The following EPHB2 variants were observed in gnomAD, a reference collection of about 807,000 sequenced individuals.
EPHB2 encodes ephrin type-B receptor 2.
EPHB2 carries 18 observed loss-of-function variants against 96.4 expected under a neutral mutation model. The ratio of observed to expected loss-of-function variants is 0.19; its 90% CI spans 0.13 to 0.28. The LOEUF is 0.28. Among genes scored for constraint, EPHB2 ranks in the 10% least tolerant of loss-of-function variants. The probability of loss-of-function intolerance (pLI) is 1.00; values close to 1 mark genes in which losing one functional copy is unlikely to be tolerated. For missense variants in EPHB2, 989 were observed against 1,355.4 expected (o/e 0.73, Z 4.25); for synonymous variants, 506 against 534.1 (o/e 0.95, Z 0.72).
intron 1 of EPHB2, among the ~76,000 whole-genome samples, chr1:22,748,170 T>C (rs1224061834): frequency 2.0e-5 from 3 of 152,238 alleles, no homozygotes; most frequent in African/African-American, 7.2e-5. Flanking sequence ...GAACATTCAA[T>C]GTGTTTCCAC....
intron 9 of EPHB2, among the ~76,000 whole-genome samples, chr1:22,900,824 C>G (rs1026758195): frequency 6.6e-6 from 1 of 152,178 alleles, no homozygotes; most frequent in Admixed American, 6.5e-5. Context: ...ATCCCATATC[C>G]ACCCAGCCAC....
intron 3 of EPHB2, among the ~76,000 whole-genome samples, chr1:22,849,535 C>G (rs1395191960): frequency 6.6e-6 from 1 of 152,174 alleles, no homozygotes; most frequent in Non-Finnish European, 1.5e-5. Context: ...CAGACTTTGG[C>G]AACAAATTCT....
intron 1 of EPHB2, among the ~76,000 whole-genome samples, chr1:22,780,247 G>T (rs1183664478): frequency 1.3e-5 from 2 of 152,186 alleles, no homozygotes; most frequent in East Asian, 3.9e-4. Flanking sequence ...GAGAATGGGG[G>T]TCTCTAGGGC....
intron 3 of EPHB2, among the ~76,000 whole-genome samples, chr1:22,793,488 GA>G (rs892423173): frequency 1.3e-5 from 2 of 151,978 alleles, no homozygotes; most frequent in Admixed American, 6.5e-5. Context: ...ATTAGTCCAG[GA>G]AAAAAATGGT....
At chr1:22,910,613 G>A in intron 14 of EPHB2, 38 bp downstream of exon 14, 1 of 1,610,018 alleles carries the variant, frequency 6.2e-7, no homozygotes, top group Non-Finnish European at 8.5e-7. Context: ...GCCAGGCCCT[G>A]CCCCTCTTCC....
In EPHB2 at chr1:22,872,236, C is replaced by T. The variant is rs535284541; in HGVS notation, c.1303+7024C>T. On this transcript the variant is annotated intron_variant, in intron 5 of 15. Coordinates refer to ENST00000374630, the MANE Select transcript of EPHB2 (RefSeq NM_017449.5). ...CCTCAAGGCCTCTCTTGGGTCCTTC[C>T]ACAGAACCCTGACATCTCAGAAGCA... Among the ~76,000 whole-genome samples, 8 of 152,232 alleles carry T rather than the reference C, an allele frequency of 5.3e-5. No individual in the cohort carries two copies. In the East Asian group the frequency reaches 1.4e-3, roughly 26 times the overall value.
At chr1:22,902,538 G>A (rs143072620) in intron 9 of EPHB2, among the ~76,000 whole-genome samples, 111 of 152,306 alleles carry the variant, frequency 7.3e-4, no homozygotes, top group African/African-American at 2.5e-3. Flanking sequence ...TTTCCAAGGA[G>A]CAGATTCATA....
chr1:22,768,489 C>A (rs1300263179), intron 1 of EPHB2, among the ~76,000 whole-genome samples: 1 of 152,014 alleles, frequency 6.6e-6, no homozygotes, highest in Non-Finnish European at 1.5e-5. Flanking sequence ...GAGTTCAAGA[C>A]CAGCATGGGG....
intron 9 of EPHB2, among the ~76,000 whole-genome samples, chr1:22,903,262 C>T (rs996121479): frequency 6.6e-6 from 1 of 152,208 alleles, no homozygotes; most frequent in Non-Finnish European, 1.5e-5. Context: ...CATTCCTGTC[C>T]TCTATCCCCA....
intron 3 of EPHB2, among the ~76,000 whole-genome samples, chr1:22,794,777 C>T (rs1570288658): frequency 6.6e-6 from 1 of 152,304 alleles, no homozygotes; most frequent in East Asian, 1.9e-4. Context: ...CTCTCGGCCC[C>T]AGACTGGCTC....
At chr1:22,811,379 C>G (rs1644999786) in intron 3 of EPHB2, among the ~76,000 whole-genome samples, 1 of 152,226 alleles carries the variant, frequency 6.6e-6, no homozygotes, top group African/African-American at 2.4e-5. Flanking sequence ...GCGCCCACTC[C>G]ATCAGTCCCC....
chr1:22,763,742 A>C (rs1410313472), intron 1 of EPHB2, among the ~76,000 whole-genome samples: 1 of 152,164 alleles, frequency 6.6e-6, no homozygotes, highest in Non-Finnish European at 1.5e-5. Context: ...ATTGTTTTAC[A>C]GCCCTGGAGG....
intron 1 of EPHB2, among the ~76,000 whole-genome samples, chr1:22,778,404 G>A (rs544586606): frequency 1.1e-4 from 17 of 152,328 alleles, no homozygotes; most frequent in Admixed American, 1.1e-3. Flanking sequence ...CAGAGCCCAG[G>A]TCTGTCTGCT....
intron 8 of EPHB2, among the ~76,000 whole-genome samples, chr1:22,895,983 G>A (rs1639547230): frequency 6.6e-6 from 1 of 152,176 alleles, no homozygotes; most frequent in African/African-American, 2.4e-5. Context: ...AGGGGGGAGG[G>A]ACCTCCCAAG....
At chr1:22,830,846 C>A (rs530369799) in intron 3 of EPHB2, among the ~76,000 whole-genome samples, 14 of 152,202 alleles carry the variant, frequency 9.2e-5, no homozygotes, top group South Asian at 8.3e-4. Context: ...TGAGCCACCG[C>A]ACCCTGCCTC....
intron 3 of EPHB2, among the ~76,000 whole-genome samples, chr1:22,824,881 G>A (rs1645201943): frequency 6.6e-6 from 1 of 152,274 alleles, no homozygotes; most frequent in Non-Finnish European, 1.5e-5. Flanking sequence ...GTTGGCCAGT[G>A]CCAGGTTCCC....
chr1:22,880,298 C>A (rs750810583), intron 5 of EPHB2, among the ~76,000 whole-genome samples: 2 of 152,218 alleles, frequency 1.3e-5, no homozygotes, highest in Non-Finnish European at 2.9e-5. Flanking sequence ...TTCCCCTGAA[C>A]TCCTACCAGG....
intron 1 of EPHB2, chr1:22,775,257 G>C (rs1475195364): frequency 1.3e-6 from 1 of 779,686 alleles, no homozygotes; most frequent in African/African-American, 1.7e-5. Context: ...TGGTTCTCCT[G>C]TCTGGCCTCA....
chr1:22,883,448 C>G (rs1465900534), intron 6 of EPHB2, among the ~76,000 whole-genome samples: 2 of 152,206 alleles, frequency 1.3e-5, no homozygotes, highest in Non-Finnish European at 2.9e-5. Flanking sequence ...CTTACCTGCT[C>G]CAGGAGGCAA....
Sources: allele counts gnomAD v4.1 joint callset (sites outside exome capture counted in the v4.1 genomes callset), GRCh38; gene constraint gnomAD v4.1.1; transcripts MANE v1.5; gene names NCBI Gene and HGNC (gene_info 2026-07-23, HGNC 2026-07-21).